HDAC9: variants seen among roughly 807,000 people sequenced by gnomAD.
HDAC9 encodes MEF-2 interacting transcription repressor (MITR) protein.
Under a neutral mutation model 139.4 loss-of-function variants are expected in HDAC9, and 41 were observed. That is an observed-to-expected ratio of 0.29 (90% CI 0.23 to 0.38). The LOEUF (loss-of-function observed/expected upper bound fraction) is 0.38. Ranked by LOEUF, HDAC9 falls within the 10% of genes least tolerant of loss-of-function variation. The pLI is 1.00. For synonymous variants in HDAC9, 517 were observed against 476.2 expected, an observed-to-expected ratio of 1.09 and a Z score of -1.12; for missense variants, 1,147 against 1,297.0, an observed-to-expected ratio of 0.88 and a Z score of 1.78.
chr7:18,629,632 A>G (rs765539356), intron 7 of HDAC9, among the ~76,000 whole-genome samples, 151 bp downstream of exon 7: 16 of 152,192 alleles, frequency 1.1e-4, no homozygotes, highest in East Asian at 3.9e-4. Flanking sequence ...AAGTAGTTCA[A>G]TAAACCTTGC....
At chr7:18,765,038 C>T (rs879894673) in intron 15 of HDAC9, among the ~76,000 whole-genome samples, 13 of 152,160 alleles carry the variant, frequency 8.5e-5, no homozygotes, top group Admixed American at 7.9e-4. Context: ...CTTTCCTTAG[C>T]ATTAATATTC....
intron 2 of HDAC9, among the ~76,000 whole-genome samples, chr7:18,516,721 C>T (rs868558622): frequency 7.9e-5 from 12 of 151,920 alleles, no homozygotes; most frequent in East Asian, 1.9e-4. Context: ...CTTAGCCAGG[C>T]GTGGTGGTGT....
At chr7:18,883,780 T>C (rs909259841) in intron 22 of HDAC9, among the ~76,000 whole-genome samples, 1 of 152,012 alleles carries the variant, frequency 6.6e-6, no homozygotes, top group Non-Finnish European at 1.5e-5. Context: ...ATTTTATATA[T>C]TGAAAATCCA....
chr7:18,138,163 AT>A (rs1182577656), intron 1 of HDAC9, among the ~76,000 whole-genome samples: 2 of 152,044 alleles, frequency 1.3e-5, no homozygotes, highest in Admixed American at 6.6e-5. Flanking sequence ...CCCCTTTATC[AT>A]TTTTTATTGC....
intron 1 of HDAC9, among the ~76,000 whole-genome samples, chr7:18,330,204 G>A (rs1044198996): frequency 6.6e-6 from 1 of 151,552 alleles, no homozygotes; most frequent in African/African-American, 2.4e-5. Context: ...GAAACCCAGG[G>A]CATCTGTAAT....
intron 1 of HDAC9, among the ~76,000 whole-genome samples, chr7:18,462,807 G>A (rs1793962428): frequency 6.6e-6 from 1 of 151,954 alleles, no homozygotes; most frequent in Non-Finnish European, 1.5e-5. Context: ...GTTTAGGTGT[G>A]TCCAGTTTTG....
chr7:18,180,220 GACACATACACACACACAC>G (rs1377075820), intron 2 of HDAC9, among the ~76,000 whole-genome samples: 2 of 91,054 alleles, frequency 2.2e-5, no homozygotes, highest in South Asian at 3.6e-4. Context: ...CCCTCCCCAA[GACACATACACACACACAC>G]ACACACACAC....
intron 1 of HDAC9, among the ~76,000 whole-genome samples, chr7:18,427,237 C>G (rs912618845): frequency 2.0e-5 from 3 of 152,020 alleles, no homozygotes; most frequent in Non-Finnish European, 4.4e-5. Flanking sequence ...AAGTTAAGTC[C>G]TTAAATAAGT....
intron 1 of HDAC9, among the ~76,000 whole-genome samples, chr7:18,395,437 T>A (rs571124832): frequency 4.6e-5 from 7 of 152,070 alleles, no homozygotes; most frequent in African/African-American, 1.7e-4. Flanking sequence ...TGTATGGGAC[T>A]ATCATGTGGT....
intron 14 of HDAC9, among the ~76,000 whole-genome samples, chr7:18,755,720 A>T (rs1287554335): frequency 6.6e-6 from 1 of 152,004 alleles, no homozygotes; most frequent in African/African-American, 2.4e-5. Flanking sequence ...AAAAATAGAG[A>T]GTATATATGC....
chr7:18,534,162 G>C lies in HDAC9; in HGVS notation c.22+37838G>C, dbSNP rs1376869968. ...TGATCTTTGGAAGCTCATCATTTGT[G>C]TGGCAATTGTAGCATAGAGGGGTTC... On this transcript the variant is annotated intron_variant, in intron 2 of 25. Coordinates refer to ENST00000686413, the MANE Select transcript of HDAC9 (RefSeq NM_178425.4). Among the ~76,000 whole-genome samples, 15 of 152,154 alleles carry C rather than the reference G, an allele frequency of 9.9e-5. 1 individual carries two copies.
At chr7:18,560,233 A>G (rs992995415) in intron 2 of HDAC9, among the ~76,000 whole-genome samples, 1 of 152,226 alleles carries the variant, frequency 6.6e-6, no homozygotes, top group Non-Finnish European at 1.5e-5. Flanking sequence ...AGCATGGACC[A>G]TAACTGGGCT....
intron 1 of HDAC9, among the ~76,000 whole-genome samples, chr7:18,473,321 G>A (rs1470615730): frequency 6.6e-6 from 1 of 152,156 alleles, no homozygotes; most frequent in Non-Finnish European, 1.5e-5. Flanking sequence ...TTAGCACCAG[G>A]CATGCCTCTA....
chr7:18,266,327 G>A (rs1045847911), intron 2 of HDAC9, among the ~76,000 whole-genome samples: 8 of 152,130 alleles, frequency 5.3e-5, no homozygotes, highest in Non-Finnish European at 8.8e-5. Flanking sequence ...TCCTTACCGT[G>A]ACAGGCACTT....
In HDAC9 at chr7:18,727,770, A is replaced by G. The variant is rs772086559; in HGVS notation, c.1909+13A>G. The G allele has an allele frequency of 3.3e-6, 5 of 1,496,700 alleles. No homozygotes were observed. Among genetic ancestry groups the G allele is most frequent in the Non-Finnish European group, 1.8e-6 (2 of 1,129,226 alleles). The allele number at this position is 1,496,700 out of a possible 1,614,324, so 92.7% of individuals were successfully genotyped here. On this transcript the variant is annotated intron_variant, in intron 13 of 25. Coordinates refer to ENST00000686413, the MANE Select transcript of HDAC9 (RefSeq NM_178425.4). ...GGCTCTGCAACTGGTAGGAATCCCT[A>G]AAGACTCTCTCTAATAGGCAGGCTA...
chr7:18,595,064 G>A (rs1303756756), intron 6 of HDAC9, among the ~76,000 whole-genome samples: 1 of 151,882 alleles, frequency 6.6e-6, no homozygotes, highest in Non-Finnish European at 1.5e-5. Context: ...GCTATTTTTT[G>A]TCATATAATT....
intron 1 of HDAC9, among the ~76,000 whole-genome samples, chr7:18,142,483 C>G (rs1192846539): frequency 2.0e-5 from 3 of 152,182 alleles, no homozygotes; most frequent in Non-Finnish European, 4.4e-5. Flanking sequence ...GCCATGACGT[C>G]TTATGGAGAC....
At chr7:18,280,594 A>C (rs1797039754) in intron 2 of HDAC9, among the ~76,000 whole-genome samples, 1 of 151,358 alleles carries the variant, frequency 6.6e-6, no homozygotes. Flanking sequence ...TCTCAAAAAA[A>C]AAAAACAAAA....
chr7:18,591,634 C>G lies in HDAC9; in HGVS notation c.534C>G (p.Leu178=), dbSNP rs1359222198. 3.7e-6 allele frequency: 6 copies of G among 1,613,130 alleles called. No individual in the cohort carries two copies. The East Asian group carries it at 1.1e-4, about 30-fold the overall frequency. The change falls in exon 5 of 26, where the codon CTC becomes CTG. Residue 178 remains leucine (L), a synonymous_variant. Coordinates refer to ENST00000686413, the MANE Select transcript of HDAC9 (RefSeq NM_178425.4). Reference sequence around the variant, plus strand: ...ATTCCGTGAGCCGCCATCCCAAGCTCTGGTACACGTATGTTCAGTGTTTGG... The same window carrying G: ...ATTCCGTGAGCCGCCATCCCAAGCTGTGGTACACGTATGTTCAGTGTTTGG... The part of the protein sequence containing the change: ...KNHSVSRHPK[L]WYTAAHHTSL...
Sources: gnomAD v4.1 joint callset for allele counts (sites outside exome capture counted in the v4.1 genomes callset) on GRCh38, gnomAD v4.1.1 for gene constraint, MANE v1.5 for transcripts, NCBI Gene and HGNC (gene_info 2026-07-23, HGNC 2026-07-21) for gene names.